SLC35F4: variants seen among roughly 807,000 people sequenced by gnomAD.
The protein encoded by SLC35F4 is chromosome 14 open reading frame 36.
A neutral mutation model predicts 44.2 loss-of-function variants in SLC35F4; 24 were observed. The observed-to-expected ratio is 0.54, with a 90% CI of 0.39 to 0.76. The LOEUF is 0.76. SLC35F4 is among the 30% of genes least tolerant of loss of function. SLC35F4 has a pLI of 0.00. For synonymous variants in SLC35F4, 238 were observed against 223.6 expected (o/e 1.06, Z -0.57); for missense variants, 562 against 586.1 (o/e 0.96, Z 0.42).
At chr14:57,893,025 G>T (rs1344035533) in intron 1 of SLC35F4, among the ~76,000 whole-genome samples, 1 of 152,140 alleles carries the variant, frequency 6.6e-6, no homozygotes, top group Non-Finnish European at 1.5e-5. Context: ...GCTAGAACTG[G>T]ACATTTTTGA....
chr14:57,968,344 C>T (rs577415816), intron 1 of SLC35F4, among the ~76,000 whole-genome samples: 1 of 152,334 alleles, frequency 6.6e-6, no homozygotes, highest in African/African-American at 2.4e-5. Flanking sequence ...AGTCTGGACT[C>T]TAGAGCTAAC....
chr14:57,895,206 T>G (rs1888846514), intron 1 of SLC35F4, among the ~76,000 whole-genome samples: 1 of 152,128 alleles, frequency 6.6e-6, no homozygotes, highest in South Asian at 2.1e-4. Flanking sequence ...TACACAGAAT[T>G]GGCCAGGTTC....
chr14:57,761,732 G>A (rs1202569182), intron 1 of SLC35F4, among the ~76,000 whole-genome samples: 4 of 152,058 alleles, frequency 2.6e-5, no homozygotes, highest in African/African-American at 7.2e-5. Context: ...CTTAAATAAA[G>A]CATAAAATTG....
chr14:57,905,278 A>AAT (rs1889085638), intron 1 of SLC35F4, among the ~76,000 whole-genome samples: 2 of 152,334 alleles, frequency 1.3e-5, no homozygotes, highest in South Asian at 4.1e-4. Flanking sequence ...GTCCTCATAT[A>AAT]ATGGCTGGTT....
At chr14:57,643,562 T>A (rs760290823) in intron 1 of SLC35F4, among the ~76,000 whole-genome samples, 63 of 152,112 alleles carry the variant, frequency 4.1e-4, no homozygotes, top group Non-Finnish European at 7.8e-4. Flanking sequence ...AGGTAGCCTT[T>A]CTAATATTCT....
At chr14:57,691,830 T>G (rs900222167) in intron 1 of SLC35F4, among the ~76,000 whole-genome samples, 5 of 151,978 alleles carry the variant, frequency 3.3e-5, no homozygotes, top group Non-Finnish European at 7.4e-5. Context: ...GTGACAGACT[T>G]AGATGAACAA....
intron 1 of SLC35F4, among the ~76,000 whole-genome samples, chr14:57,734,353 CTCTT>C (rs1310481046): frequency 2.0e-5 from 3 of 152,288 alleles, no homozygotes; most frequent in Middle Eastern, 3.4e-3. Context: ...TAATAGATAT[CTCTT>C]TGTTTAATCT....
intron 1 of SLC35F4, among the ~76,000 whole-genome samples, chr14:57,804,232 C>T (rs1371486467): frequency 6.6e-6 from 1 of 152,134 alleles, no homozygotes; most frequent in Non-Finnish European, 1.5e-5. Context: ...TCCCATTAAA[C>T]TACCATTGAC....
At chr14:57,941,778 G>T (rs539029361) in intron 1 of SLC35F4, among the ~76,000 whole-genome samples, 3 of 152,082 alleles carry the variant, frequency 2.0e-5, no homozygotes, top group African/African-American at 7.2e-5. Flanking sequence ...AACATTTTGA[G>T]AGCAGGAGTT....
At chr14:57,857,488 T>A (rs1887226621) in intron 1 of SLC35F4, among the ~76,000 whole-genome samples, 2 of 152,090 alleles carry the variant, frequency 1.3e-5, no homozygotes, top group African/African-American at 4.8e-5. Flanking sequence ...TCATGTACTC[T>A]TTCTTTTTCT....
intron 1 of SLC35F4, among the ~76,000 whole-genome samples, chr14:57,850,410 A>T (rs1771788031): frequency 6.6e-6 from 1 of 152,128 alleles, no homozygotes; most frequent in Non-Finnish European, 1.5e-5. Context: ...CCTCCTCAAG[A>T]ATTTTGTTTT....
chr14:57,879,411 C>T (rs1012836025), intron 1 of SLC35F4, among the ~76,000 whole-genome samples: 1 of 151,974 alleles, frequency 6.6e-6, no homozygotes, highest in Non-Finnish European at 1.5e-5. Context: ...AACCATCAAG[C>T]CTGAGCCCTA....
intron 1 of SLC35F4, among the ~76,000 whole-genome samples, chr14:57,914,048 T>A (rs1346699378): frequency 6.6e-6 from 1 of 152,254 alleles, no homozygotes; most frequent in Admixed American, 6.5e-5. Flanking sequence ...GATGTAGTTA[T>A]CTTTGCTCCT....
intron 1 of SLC35F4, among the ~76,000 whole-genome samples, chr14:57,610,243 C>A (rs2071412891): frequency 6.6e-6 from 1 of 152,112 alleles, no homozygotes; most frequent in South Asian, 2.1e-4. Flanking sequence ...TAAATTATAA[C>A]CCAATATGAA....
intron 1 of SLC35F4, among the ~76,000 whole-genome samples, chr14:57,697,986 A>G (rs1340087680): frequency 6.6e-6 from 1 of 152,160 alleles, no homozygotes; most frequent in Non-Finnish European, 1.5e-5. Context: ...AGATTTCACC[A>G]TTTACCGGCT....
intron 1 of SLC35F4, among the ~76,000 whole-genome samples, chr14:57,666,988 G>A (rs10483691): frequency 0.23 from 35,513 of 151,348 alleles, 4,200 homozygotes; most frequent in South Asian, 0.31. Context: ...TACAATTTGA[G>A]CTATGAATTA....
intron 1 of SLC35F4, among the ~76,000 whole-genome samples, chr14:57,882,304 C>T (rs1214777434): frequency 6.6e-6 from 1 of 152,196 alleles, no homozygotes; most frequent in Non-Finnish European, 1.5e-5. Flanking sequence ...AGATCATTTT[C>T]AGAATCCAGG....
intron 1 of SLC35F4, among the ~76,000 whole-genome samples, chr14:57,713,066 C>T (rs2075852358): frequency 6.6e-6 from 1 of 152,172 alleles, no homozygotes; most frequent in African/African-American, 2.4e-5. Flanking sequence ...ACCCTCTTTC[C>T]AGATTAAATC....
chr14:57,573,178 G>A (rs73303807), intron 4 of SLC35F4, among the ~76,000 whole-genome samples: 8,820 of 152,106 alleles, frequency 0.058, 265 homozygotes, highest in African/African-American at 0.067. Context: ...TTACTGACTC[G>A]CTTGAGGCCA....
Sources: allele counts gnomAD v4.1 joint callset (sites outside exome capture counted in the v4.1 genomes callset), GRCh38; gene constraint gnomAD v4.1.1; transcripts MANE v1.5; gene names NCBI Gene and HGNC (gene_info 2026-07-23, HGNC 2026-07-21).